Variants in GALNT18 observed in about 807,000 individuals in gnomAD.
The protein encoded by GALNT18 is GalNAc-transferase 18.
GALNT18 carries 44 observed loss-of-function variants against 69.5 expected under a neutral mutation model. The ratio of observed to expected loss-of-function variants is 0.63; its 90% CI spans 0.50 to 0.81. The LOEUF is 0.81. GALNT18 is among the 40% of genes least tolerant of loss of function. The pLI is 0.00. For synonymous variants in GALNT18, 364 were observed against 318.2 expected (o/e 1.14, Z -1.53); for missense variants, 715 against 810.0 (o/e 0.88, Z 1.42).
At chr11:11,295,042 A>C (rs952443651) in intron 9 of GALNT18, among the ~76,000 whole-genome samples, 3 of 152,218 alleles carry the variant, frequency 2.0e-5, no homozygotes, top group African/African-American at 7.2e-5. Context: ...TTGCTTTAGC[A>C]AAAGAGGGTG....
chr11:11,445,070 G>A (rs924591626), intron 2 of GALNT18, among the ~76,000 whole-genome samples: 7 of 152,188 alleles, frequency 4.6e-5, no homozygotes, highest in East Asian at 1.9e-4. Flanking sequence ...TGTAGACGCC[G>A]ACCTTCCTCC....
intron 1 of GALNT18, among the ~76,000 whole-genome samples, chr11:11,504,901 G>T (rs892860388): frequency 6.6e-6 from 1 of 152,158 alleles, no homozygotes; most frequent in Non-Finnish European, 1.5e-5. Flanking sequence ...AAGTTCCTAA[G>T]ATCCCTGTCC....
intron 6 of GALNT18, among the ~76,000 whole-genome samples, chr11:11,369,551 T>C (rs1198738519): frequency 6.6e-6 from 1 of 152,190 alleles, no homozygotes; most frequent in African/African-American, 2.4e-5. Flanking sequence ...ACCTCTGGTT[T>C]CAAATGAGAT....
rs970375980 is a variant in GALNT18, at chr11:11,277,439, T to C, written c.1678-6149A>G. ...GCTAGTGGTCTATTTTGTTGATCTT[T>C]TCAAAAAACCAGCCCCTGGATTCAT... On this transcript the variant is annotated intron_variant, in intron 10 of 10. Transcript: ENST00000227756. Among the ~76,000 whole-genome samples the C allele has an allele frequency of 2.3e-4, 35 of 152,316 alleles. 1 individual carries two copies. Among genetic ancestry groups the C allele is most frequent in the African/African-American group, 8.4e-4 (35 of 41,568 alleles).
At chr11:11,321,244 A>G (rs2133038885) in intron 9 of GALNT18, among the ~76,000 whole-genome samples, 1 of 152,286 alleles carries the variant, frequency 6.6e-6, no homozygotes, top group South Asian at 2.1e-4. Context: ...GCTCAGATGA[A>G]ACTCATCAAT....
At chr11:11,510,996 C>A (rs531628597) in intron 1 of GALNT18, among the ~76,000 whole-genome samples, 1 of 152,008 alleles carries the variant, frequency 6.6e-6, no homozygotes, top group Non-Finnish European at 1.5e-5. Flanking sequence ...ACAGACACAA[C>A]CGGCACTCTT....
chr11:11,275,951 T>G (rs985589923), intron 10 of GALNT18, among the ~76,000 whole-genome samples: 3 of 152,248 alleles, frequency 2.0e-5, no homozygotes, highest in Non-Finnish European at 4.4e-5. Flanking sequence ...TAGTATAGTT[T>G]GAAGTTAGGT....
chr11:11,526,765 A>C (rs142690470), intron 1 of GALNT18, among the ~76,000 whole-genome samples: 1 of 152,196 alleles, frequency 6.6e-6, no homozygotes, highest in South Asian at 2.1e-4. Flanking sequence ...TCCACCTGAA[A>C]GTGACATGTC....
chr11:11,479,460 A>G (rs886541607), intron 1 of GALNT18, among the ~76,000 whole-genome samples: 3 of 152,206 alleles, frequency 2.0e-5, no homozygotes, highest in Admixed American at 6.5e-5. Context: ...GTGCCAGCAA[A>G]TTATTTAGAA....
Position 11,422,621 on chromosome 11 carries a change from G to GTT in GALNT18, c.595+9998_595+9999dup, listed in dbSNP as rs374848510. 2.1e-5 allele frequency among the ~76,000 whole-genome samples: 3 copies of GTT among 142,112 alleles called. No homozygotes were observed. The East Asian group carries it at 6.1e-4, about 29-fold the overall frequency. 93.2% of individuals were successfully genotyped at this position (142,112 alleles called of 152,430 possible). On this transcript the variant is annotated intron_variant, in intron 3 of 10. Coordinates refer to ENST00000227756, the MANE Select transcript of GALNT18 (RefSeq NM_198516.3). ...ATTCTTTTCCTCTGTTTTTTTTGTT[G>GTT]TTTTTTTTTTTTTAACTTTTGCAAT...
chr11:11,292,652 CAGAA>C (rs1204458534), intron 10 of GALNT18, among the ~76,000 whole-genome samples: 1 of 152,098 alleles, frequency 6.6e-6, no homozygotes, highest in Non-Finnish European at 1.5e-5. Context: ...GGTTTAAAGT[CAGAA>C]AGACCTGAGT....
chr11:11,447,557 T>G (rs1855684600), intron 2 of GALNT18, among the ~76,000 whole-genome samples: 1 of 152,298 alleles, frequency 6.6e-6, no homozygotes, highest in Admixed American at 6.5e-5. Context: ...TGTGACTGGG[T>G]AATTTATAAA....
In GALNT18 at chr11:11,448,872, G is replaced by A; in HGVS notation, c.300C>T (p.His100=). Residue 100 remains histidine, a synonymous_variant, in exon 2 of 11, where the codon CAC becomes CAT. Coordinates refer to ENST00000227756, the MANE Select transcript of GALNT18 (RefSeq NM_198516.3). ...CTTCGGGGCTGAGCTCCTGGCCCCA[G>A]TGTGCAAACAGAGAGGAGTCTGTGA... The part of the protein sequence containing the change: ...EPFTDSSLFA[H]WGQELSPEGR... The A allele has an allele frequency of 6.2e-7, 1 of 1,608,256 alleles. No individual in the cohort carries two copies. The highest frequency in any genetic ancestry group is 1.1e-5 in the South Asian group (1 of 89,912).
In GALNT18 at chr11:11,382,731, T is replaced by G. The variant is rs1206909744; in HGVS notation, c.596-3467A>C. ...TCAAATTTAAAAGCTGATTGACTTT[T>G]ACCTTTTATTCCCTATGCAAGCTAT... is the stretch of plus-strand genomic sequence containing the variant. On this transcript the variant is annotated intron_variant, in intron 3 of 10. Coordinates refer to ENST00000227756, the MANE Select transcript of GALNT18 (RefSeq NM_198516.3). This position sits in a 1 kb window ranked among gnomAD's most constrained non-coding sequence, Gnocchi z 4.3. 6.6e-6 allele frequency among the ~76,000 whole-genome samples: 1 copy of G among 152,268 alleles called. No homozygotes were observed. The highest frequency in any genetic ancestry group is 1.5e-5 in the Non-Finnish European group (1 of 68,050).
chr11:11,310,264 C>T (rs1182258709), intron 9 of GALNT18, among the ~76,000 whole-genome samples: 1 of 152,194 alleles, frequency 6.6e-6, no homozygotes, highest in Non-Finnish European at 1.5e-5. Flanking sequence ...ACCCAAGAAG[C>T]CCCCAGAGGG....
rs67821526 is a variant in GALNT18 at position 11,523,718 on chromosome 11, CAAAA to C, written c.236-74786_236-74783del. The stretch of plus-strand genomic sequence containing the variant: ...TGGGCAACAGAGCGAGACTCCATCT[CAAAA>C]AAAAAAAAAAATATCGTACACCCTG... On this transcript the variant is annotated intron_variant, in intron 1 of 10. Transcript: ENST00000227756. The surrounding 1 kb of genome is among the most constrained non-coding windows in gnomAD (Gnocchi z 4.3). 1.6e-5 allele frequency among the ~76,000 whole-genome samples: 2 copies of C among 123,310 alleles called. No individual in the cohort carries two copies. The highest frequency in any genetic ancestry group is 6.0e-5 in the African/African-American group (2 of 33,124). 80.9% of individuals were successfully genotyped at this position (123,310 alleles called of 152,430 possible).
At chr11:11,464,194 C>A (rs1352075097) in intron 1 of GALNT18, among the ~76,000 whole-genome samples, 1 of 152,232 alleles carries the variant, frequency 6.6e-6, no homozygotes, top group Non-Finnish European at 1.5e-5. Context: ...GGATTTTCCA[C>A]AAAGTCTAAA....
chr11:11,445,610 C>T (rs895076387), intron 2 of GALNT18, among the ~76,000 whole-genome samples: 3 of 152,208 alleles, frequency 2.0e-5, no homozygotes, highest in African/African-American at 7.2e-5. Flanking sequence ...CTTGGGCGTG[C>T]GTCTGGCACG....
chr11:11,566,099 A>AT (rs1352665768), intron 1 of GALNT18, among the ~76,000 whole-genome samples: 1 of 152,194 alleles, frequency 6.6e-6, no homozygotes, highest in Non-Finnish European at 1.5e-5. Context: ...GATCACATAT[A>AT]TTTTTTTAAA....
Sources: allele counts gnomAD v4.1 joint callset (sites outside exome capture counted in the v4.1 genomes callset), GRCh38; gene constraint gnomAD v4.1.1; non-coding constraint Gnocchi (gnomAD v3.1); transcripts MANE v1.5; gene names NCBI Gene and HGNC (gene_info 2026-07-23, HGNC 2026-07-21).